MBD5: variants seen among roughly 807,000 people sequenced by gnomAD.
MBD5 encodes the protein methyl-CpG binding domain protein 5.
MBD5 carries 13 observed loss-of-function variants against 117.3 expected under a neutral mutation model. The observed-to-expected ratio is 0.11, with a 90% CI of 0.07 to 0.18. The LOEUF (loss-of-function observed/expected upper bound fraction) is 0.18, where lower values mean the gene tolerates loss of function less well. MBD5 is among the 10% of genes least tolerant of loss of function. The probability of loss-of-function intolerance (pLI) is 1.00; values close to 1 mark genes in which losing one functional copy is unlikely to be tolerated. For synonymous variants in MBD5, 727 were observed against 766.4 expected (o/e 0.95, Z 0.85); for missense variants, 1,879 against 2,093.8 (o/e 0.90, Z 2.00).
At chr2:148,503,048 T>A in intron 12 of MBD5, 1 of 166,040 alleles carries the variant, frequency 6.0e-6, no homozygotes, top group Non-Finnish European at 1.3e-5. Context: ...TTTTTCTAAA[T>A]CTTTATTTTC....
intron 8 of MBD5, among the ~76,000 whole-genome samples, chr2:148,472,920 TA>T (rs992378222): frequency 3.9e-5 from 6 of 152,108 alleles, no homozygotes; most frequent in East Asian, 3.9e-4. Context: ...AGCCTGAGGC[TA>T]AAAAAACTTA....
At chr2:148,268,358 A>G (rs1217367685) in intron 3 of MBD5, among the ~76,000 whole-genome samples, 1 of 152,120 alleles carries the variant, frequency 6.6e-6, no homozygotes, top group Non-Finnish European at 1.5e-5. Flanking sequence ...CTGGGATTAC[A>G]GGCTTGAACC....
chr2:148,283,056 A>G (rs1701288146), intron 3 of MBD5, among the ~76,000 whole-genome samples: 1 of 152,110 alleles, frequency 6.6e-6, no homozygotes, highest in African/African-American at 2.4e-5. Context: ...TCCATTATCC[A>G]GTCACCTCAC....
rs34324249 is a variant in MBD5, at chr2:148,407,339, A to AGTGTGTGTGT, written c.-556-50843_-556-50834dup. On this transcript the variant is annotated intron_variant, in intron 4 of 13. Coordinates refer to ENST00000642680, the MANE Select transcript of MBD5 (RefSeq NM_001378120.1). ...TGTGGAATTTCCCAGTGGCTTTCTGAGTGTGTGTGTGTGTGTGTGTGTGTG... is the reference window on the plus strand; with the variant it reads ...TGTGGAATTTCCCAGTGGCTTTCTGAGTGTGTGTGTGTGTGTGTGTGTGTGTGTGTGTGTG... Among the ~76,000 whole-genome samples the AGTGTGTGTGT allele has an allele frequency of 1.7e-3, 233 of 140,192 alleles. 1 individual carries two copies. The highest frequency in any genetic ancestry group is 5.7e-3 in the African/African-American group (220 of 38,768). 92.0% of individuals were successfully genotyped at this position (140,192 alleles called of 152,430 possible).
intron 3 of MBD5, among the ~76,000 whole-genome samples, chr2:148,291,339 A>G (rs1273244285): frequency 6.6e-6 from 1 of 152,186 alleles, no homozygotes; most frequent in African/African-American, 2.4e-5. Flanking sequence ...TGAACATGAG[A>G]TGTCTTTGTA....
At chr2:148,333,355 GT>G (rs1702708878) in intron 3 of MBD5, among the ~76,000 whole-genome samples, 1 of 152,062 alleles carries the variant, frequency 6.6e-6, no homozygotes, top group Admixed American at 6.6e-5. Context: ...ACCTAATATT[GT>G]TTTATTGAAT....
chr2:148,051,742 A>G (rs535775020), intron 1 of MBD5, among the ~76,000 whole-genome samples: 1 of 152,090 alleles, frequency 6.6e-6, no homozygotes, highest in Admixed American at 6.6e-5. Context: ...TGATATAATA[A>G]TTCTTCTAGA....
At chr2:148,253,071 A>G (rs1700503493) in intron 3 of MBD5, among the ~76,000 whole-genome samples, 1 of 152,116 alleles carries the variant, frequency 6.6e-6, no homozygotes, top group Non-Finnish European at 1.5e-5. Flanking sequence ...TGGGTTCTGA[A>G]ACTCAGCAGT....
intron 3 of MBD5, among the ~76,000 whole-genome samples, chr2:148,241,336 T>C (rs1700212249): frequency 6.6e-6 from 1 of 152,238 alleles, no homozygotes; most frequent in Admixed American, 6.5e-5. Context: ...ATATAATATT[T>C]ACTCCTAAAA....
intron 1 of MBD5, chr2:148,025,340 T>C (rs973777849): frequency 2.0e-5 from 3 of 152,164 alleles, no homozygotes; most frequent in African/African-American, 7.2e-5. Context: ...TTAAGAAAGA[T>C]ATTGCTGTTA....
chr2:148,088,507 A>G (rs1695855844), intron 1 of MBD5, among the ~76,000 whole-genome samples: 1 of 152,162 alleles, frequency 6.6e-6, no homozygotes, highest in Admixed American at 6.5e-5. Flanking sequence ...TTAATAGCAG[A>G]TTTCTCAGCA....
intron 3 of MBD5, among the ~76,000 whole-genome samples, chr2:148,306,995 G>A (rs777039405): frequency 2.0e-5 from 3 of 152,108 alleles, no homozygotes; most frequent in Non-Finnish European, 2.9e-5. Flanking sequence ...ATACACCAAT[G>A]TAGGGTAACA....
intron 4 of MBD5, among the ~76,000 whole-genome samples, chr2:148,368,939 A>G (rs1034422262): frequency 2.6e-5 from 4 of 152,152 alleles, no homozygotes; most frequent in Non-Finnish European, 4.4e-5. Context: ...CAGTGGAGAA[A>G]CCAATGGATA....
At chr2:148,032,615 G>A (rs1694071990) in intron 1 of MBD5, among the ~76,000 whole-genome samples, 2 of 152,220 alleles carry the variant, frequency 1.3e-5, no homozygotes, top group South Asian at 4.1e-4. Flanking sequence ...TTATGTAGGA[G>A]CCAAACTGCA....
At chr2:148,235,684 C>A (rs7602566) in intron 3 of MBD5, among the ~76,000 whole-genome samples, 33,182 of 151,954 alleles carry the variant, frequency 0.22, 4,135 homozygotes, top group East Asian at 0.53. Context: ...TTTCCCAGTG[C>A]ATATACAAGG....
chr2:148,195,061 A>G (rs1223721112), intron 2 of MBD5, among the ~76,000 whole-genome samples: 3 of 152,204 alleles, frequency 2.0e-5, no homozygotes, highest in African/African-American at 7.2e-5. Context: ...AAATGTAAAC[A>G]AGTAGGTATG....
At chr2:148,262,950 A>G (rs1402997017) in intron 3 of MBD5, among the ~76,000 whole-genome samples, 1 of 152,208 alleles carries the variant, frequency 6.6e-6, no homozygotes, top group African/African-American at 2.4e-5. Flanking sequence ...TGCAATAAAT[A>G]TGCAAGAGAT....
chr2:148,473,574 C>A (rs1331777849), intron 8 of MBD5, among the ~76,000 whole-genome samples: 1 of 152,090 alleles, frequency 6.6e-6, no homozygotes, highest in African/African-American at 2.4e-5. Flanking sequence ...AAATAACTTT[C>A]TCTGAAAAAT....
At chr2:148,333,377 T>C (rs988182813) in intron 3 of MBD5, among the ~76,000 whole-genome samples, 1 of 152,216 alleles carries the variant, frequency 6.6e-6, no homozygotes. Context: ...ATCTTTCTTT[T>C]GGGCCTGTTA....
Sources: allele counts gnomAD v4.1 joint callset (sites outside exome capture counted in the v4.1 genomes callset), GRCh38; gene constraint gnomAD v4.1.1; transcripts MANE v1.5; gene names NCBI Gene and HGNC (gene_info 2026-07-23, HGNC 2026-07-21).